Variants in GLI3 observed in about 807,000 individuals in gnomAD.
GLI3 encodes GLI family zinc finger 3, also known as transcription activator GLI3.
In GLI3, 20 loss-of-function variants were observed where a neutral mutation model predicts 100.8. That is an observed-to-expected ratio of 0.20 (90% CI 0.14 to 0.29). The LOEUF (loss-of-function observed/expected upper bound fraction) is 0.29, where lower values mean the gene tolerates loss of function less well. Ranked by LOEUF, GLI3 falls within the 10% of genes least tolerant of loss-of-function variation. GLI3 has a pLI of 1.00. For synonymous variants in GLI3, 938 were observed against 860.5 expected (o/e 1.09, Z -1.58); for missense variants, 2,040 against 2,128.5 (o/e 0.96, Z 0.82).
chr7:42,255,414 T>C (rs2128711005), intron 1 of GLI3, among the ~76,000 whole-genome samples: 1 of 152,322 alleles, frequency 6.6e-6, no homozygotes, highest in Non-Finnish European at 1.5e-5. Context: ...CAGCCATCAT[T>C]ACAATCCCAT....
At chr7:42,181,474 G>A (rs903869135) in intron 2 of GLI3, among the ~76,000 whole-genome samples, 4 of 151,944 alleles carry the variant, frequency 2.6e-5, no homozygotes, top group African/African-American at 4.8e-5. Context: ...GTGTGGTGGC[G>A]CATGCCTGTG....
chr7:42,190,925 A>C lies in GLI3; in HGVS notation c.124+32205T>G, dbSNP rs1787814850. On this transcript the variant is annotated intron_variant, in intron 2 of 14. Coordinates refer to ENST00000395925, the MANE Select transcript of GLI3 (RefSeq NM_000168.6). ...AAGGAGAAAAATTATATATCATAAA[A>C]GCAAGAGATGATAAAAAGTAATTGA... is the stretch of plus-strand genomic sequence containing the variant. Among the ~76,000 whole-genome samples, 3 of 152,164 alleles carry C rather than the reference A, an allele frequency of 2.0e-5. No individual in the cohort carries two copies. In the South Asian group the frequency reaches 6.2e-4, roughly 31 times the overall value.
intron 1 of GLI3, among the ~76,000 whole-genome samples, chr7:42,226,067 T>C (rs540305982): frequency 6.6e-5 from 10 of 152,252 alleles, no homozygotes; most frequent in Non-Finnish European, 1.0e-4. Context: ...TGGCAAATTC[T>C]ATAAAAACTA....
chr7:42,119,005 C>T (rs1437328179), intron 3 of GLI3, among the ~76,000 whole-genome samples: 2 of 152,178 alleles, frequency 1.3e-5, no homozygotes, highest in African/African-American at 4.8e-5. Context: ...TATAAGCCTC[C>T]TGCAACCTTG....
chr7:42,132,154 G>A (rs2128777606), intron 3 of GLI3, among the ~76,000 whole-genome samples: 1 of 151,988 alleles, frequency 6.6e-6, no homozygotes, highest in South Asian at 2.1e-4. Context: ...AGGCTGGAGT[G>A]CAGTGGTTCA....
At chr7:42,126,103 G>T (rs1786123992) in intron 3 of GLI3, among the ~76,000 whole-genome samples, 1 of 152,164 alleles carries the variant, frequency 6.6e-6, no homozygotes, top group Admixed American at 6.5e-5. Flanking sequence ...GGTGAGAAAA[G>T]TTTGAAACCT....
At chr7:42,257,601 C>T (rs1789098427) in intron 1 of GLI3, among the ~76,000 whole-genome samples, 1 of 152,056 alleles carries the variant, frequency 6.6e-6, no homozygotes, top group East Asian at 1.9e-4. Flanking sequence ...ACCTCGGGCT[C>T]CCAAAGTGCT....
At chr7:42,067,966 T>C (rs142655315) in intron 4 of GLI3, among the ~76,000 whole-genome samples, 1 of 152,246 alleles carries the variant, frequency 6.6e-6, no homozygotes, top group African/African-American at 2.4e-5. Flanking sequence ...CTTATAAACA[T>C]GTGTGATGCT....
At chr7:42,190,511 A>C (rs998931852) in intron 2 of GLI3, among the ~76,000 whole-genome samples, 7 of 152,240 alleles carry the variant, frequency 4.6e-5, no homozygotes, top group Non-Finnish European at 8.8e-5. Flanking sequence ...AGACTCAATA[A>C]CAATGGAAGA....
upstream of GLI3, among the ~76,000 whole-genome samples, chr7:42,239,971 A>T (rs1788907366): frequency 1.3e-5 from 2 of 152,204 alleles, no homozygotes; most frequent in Non-Finnish European, 2.9e-5. Context: ...ATCCCAAAAT[A>T]TAGAAGAGTT....
chr7:42,040,180 T>G lies in GLI3; in HGVS notation c.886A>C (p.Ile296Leu), dbSNP rs750789578. 6.2e-7 allele frequency: 1 copy of G among 1,613,926 alleles called. No individual in the cohort carries two copies. Among genetic ancestry groups the G allele is most frequent in the Non-Finnish European group, 8.5e-7 (1 of 1,179,800 alleles). The change falls in exon 7 of 15, where the codon ATA (isoleucine) becomes CTA (leucine). Residue 296 changes from isoleucine to leucine, a missense_variant. Ile to Leu is a conservative substitution (Grantham distance 5). Around this residue, in one of 5 missense-constraint regions of GLI3, gnomAD observed 603 missense variants for 690.9 expected, o/e 0.87. Coordinates refer to ENST00000395925, the MANE Select transcript of GLI3 (RefSeq NM_000168.6). ...ARPSRKRTLS[I>L]SPLSDHSFDL... Reference sequence around the variant, plus strand: ...AAGCTATGATCGGAGAGTGGTGATATGGACAGTGTACGTTTTCGGCTCGGC... The same window carrying G: ...AAGCTATGATCGGAGAGTGGTGATAGGGACAGTGTACGTTTTCGGCTCGGC...
intron 4 of GLI3, among the ~76,000 whole-genome samples, chr7:42,071,892 T>C (rs2128750462): frequency 6.6e-6 from 1 of 152,130 alleles, no homozygotes; most frequent in South Asian, 2.1e-4. Flanking sequence ...GGTGGCCACT[T>C]TTAGTGGGAA....
At chr7:42,233,685 T>G (rs977067673) in intron 1 of GLI3, among the ~76,000 whole-genome samples, 1 of 152,156 alleles carries the variant, frequency 6.6e-6, no homozygotes, top group Non-Finnish European at 1.5e-5. Context: ...TGAAAATACT[T>G]GAAAAAGTTT....
chr7:42,223,277 C>T lies in GLI3; in HGVS notation c.-24G>A. 6.2e-7 allele frequency: 1 copy of T among 1,609,038 alleles called. No individual in the cohort carries two copies. The highest frequency in any genetic ancestry group is 8.5e-7 in the Non-Finnish European group (1 of 1,176,700). On this transcript the variant is annotated 5_prime_UTR_variant, in exon 2 of 15. Coordinates refer to ENST00000395925, the MANE Select transcript of GLI3 (RefSeq NM_000168.6). Reference sequence around the variant, plus strand: ...ATGATGTCTTCTCATTACTTCAGCTCTCTTCGACCAAAAATGCCCTAAAGA... The same window carrying T: ...ATGATGTCTTCTCATTACTTCAGCTTTCTTCGACCAAAAATGCCCTAAAGA...
intron 3 of GLI3, among the ~76,000 whole-genome samples, chr7:42,094,306 A>C (rs1376595313): frequency 1.3e-5 from 2 of 152,206 alleles, no homozygotes; most frequent in Non-Finnish European, 2.9e-5. Flanking sequence ...GGAACAAGTC[A>C]AAACCAATTC....
In GLI3 at chr7:42,045,515, A is replaced by G. The variant is rs377667965; in HGVS notation, c.695T>C (p.Val232Ala). 9 of 1,613,828 alleles carry G rather than the reference A, an allele frequency of 5.6e-6. No individual in the cohort carries two copies. Among genetic ancestry groups the G allele is most frequent in the Admixed American group, 3.3e-5 (2 of 59,980 alleles). ...CTGATGATAGTATTCTGCTGGGCTG[A>G]CTCCTGCATGGGGCGCTAGGAGGAG... Reference protein sequence around the residue: ...LSPTDAPHAGVSPAEYYHQMA... With the variant: ...LSPTDAPHAGASPAEYYHQMA... The change falls in exon 6 of 15, where the codon GTC becomes GCC. Residue 232 changes from valine to alanine, a missense_variant. Around this residue, in one of 5 missense-constraint regions of GLI3, gnomAD observed 603 missense variants for 690.9 expected, o/e 0.87. Transcript: ENST00000395925.
Position 41,965,530 on chromosome 7 carries a change from C to G in GLI3, c.3543G>C (p.Pro1181=). The G allele has an allele frequency of 6.2e-7, 1 of 1,605,596 alleles. No homozygotes were observed. The highest frequency in any genetic ancestry group is 8.5e-7 in the Non-Finnish European group (1 of 1,173,388). Residue 1181 remains proline, a synonymous_variant, in exon 15 of 15, where the codon CCG becomes CCC. Coordinates refer to ENST00000395925, the MANE Select transcript of GLI3 (RefSeq NM_000168.6). The part of the protein sequence containing the change: ...DLSSSKLKCG[P]RPAVPQTRAF... Reference sequence around the variant, plus strand: ...CGCGAGTCTGCGGCACAGCGGGCCGCGGCCCACACTTGAGCTTGGAGGAGG... The same window carrying G: ...CGCGAGTCTGCGGCACAGCGGGCCGGGGCCCACACTTGAGCTTGGAGGAGG...
intron 3 of GLI3, among the ~76,000 whole-genome samples, chr7:42,107,797 A>G (rs1785611023): frequency 6.6e-6 from 1 of 152,232 alleles, no homozygotes; most frequent in Non-Finnish European, 1.5e-5. Context: ...CGCCTGCTCA[A>G]AGAACTGCTG....
At chr7:42,163,056 T>C (rs1333964318) in intron 2 of GLI3, among the ~76,000 whole-genome samples, 1 of 141,604 alleles carries the variant, frequency 7.1e-6, no homozygotes, top group African/African-American at 2.6e-5. Context: ...ATAACAACTA[T>C]CCTCACAAAC....
Sources: gnomAD v4.1 joint callset for allele counts (sites outside exome capture counted in the v4.1 genomes callset) on GRCh38, gnomAD v4.1.1 for gene constraint, gnomAD v4.1.1 regional missense constraint, MANE v1.5 for transcripts, NCBI Gene and HGNC (gene_info 2026-07-23, HGNC 2026-07-21) for gene names.